Variants in ERGIC1 observed in about 807,000 individuals in gnomAD.
ERGIC1 encodes the protein endoplasmic reticulum-Golgi intermediate compartment protein 1.
In ERGIC1, 19 loss-of-function variants were observed where a neutral mutation model predicts 38.3. The ratio of observed to expected loss-of-function variants is 0.50; its 90% CI spans 0.35 to 0.73. The LOEUF is 0.73. Ranked by LOEUF, ERGIC1 falls within the 30% of genes least tolerant of loss-of-function variation. The probability of loss-of-function intolerance (pLI) is 0.01; values close to 1 mark genes in which losing one functional copy is unlikely to be tolerated. For missense variants in ERGIC1, 294 were observed against 389.2 expected (o/e 0.76, Z 2.06); for synonymous variants, 124 against 157.6 (o/e 0.79, Z 1.60).
intron 3 of ERGIC1, among the ~76,000 whole-genome samples, chr5:172,901,179 T>TGGCTCC (rs1160054953): frequency 4.6e-5 from 7 of 152,212 alleles, no homozygotes; most frequent in Middle Eastern, 3.2e-3. Context: ...TGGATCAACA[T>TGGCTCC]GGCTCCAGCC....
rs753860135 is a variant in ERGIC1, at chr5:172,926,546, G to T, written c.518G>T (p.Gly173Val). 1 of 1,613,064 alleles carries T rather than the reference G, an allele frequency of 6.2e-7. No homozygotes were observed. The highest frequency in any genetic ancestry group is 1.7e-5 in the Admixed American group (1 of 60,014). Residue 173 changes from glycine (G) to valine (V), a missense_variant, in exon 7 of 10, where the codon GGA (glycine) becomes GTA (valine). Gly to Val is a moderately radical substitution (Grantham distance 109). Transcript: ENST00000393784. The surrounding 1 kb of genome is among the most constrained non-coding windows in gnomAD (Gnocchi z 5.2). ...CACGGAGCTTTCAATGCTCTCGGGG[G>T]AGCAGACAGACTCACCTCCAACCGT... ...NIHGAFNALGGADRLTSNPLA... is the reference protein window; with the variant it reads ...NIHGAFNALGVADRLTSNPLA...
At chr5:172,906,057 T>G in intron 3 of ERGIC1, 1 of 456,146 alleles carries the variant, frequency 2.2e-6, no homozygotes, top group Non-Finnish European at 4.4e-6. Flanking sequence ...TTATTTGGCC[T>G]AGGAAATCCA....
chr5:172,835,589 C>T (rs1237976521), intron 1 of ERGIC1, among the ~76,000 whole-genome samples: 1 of 152,178 alleles, frequency 6.6e-6, no homozygotes, highest in Non-Finnish European at 1.5e-5. Flanking sequence ...ATGCCTGTGC[C>T]ACAGGAGGTA....
At chr5:172,866,299 C>T (rs977352462) in intron 1 of ERGIC1, among the ~76,000 whole-genome samples, 2 of 152,080 alleles carry the variant, frequency 1.3e-5, no homozygotes, top group African/African-American at 4.8e-5. Context: ...TGCTCACAGC[C>T]CTCAGCAGCC....
intron 3 of ERGIC1, among the ~76,000 whole-genome samples, chr5:172,907,452 G>A (rs760202559): frequency 3.3e-5 from 5 of 152,176 alleles, no homozygotes; most frequent in Non-Finnish European, 5.9e-5. Flanking sequence ...CAGCTACTTG[G>A]GAGGCTGAGG....
At chr5:172,835,076 G>A (rs1761001913) in intron 1 of ERGIC1, among the ~76,000 whole-genome samples, 2 of 152,356 alleles carry the variant, frequency 1.3e-5, no homozygotes, top group South Asian at 4.1e-4. Flanking sequence ...GCTTTCTGCA[G>A]TCACCACAAT....
rs576830180 is a variant in ERGIC1 at position 172,926,327 on chromosome 5, G to A, written c.481-182G>A. On this transcript the variant is annotated intron_variant, in intron 6 of 9. Coordinates refer to ENST00000393784, the MANE Select transcript of ERGIC1 (RefSeq NM_001031711.3). The surrounding 1 kb of genome is among the most constrained non-coding windows in gnomAD (Gnocchi z 5.2). ...AGTAGGGGCTAGAGATGGGAAACAA[G>A]CTTGTGCCTACTATGTGCCAGGCCC... Among the ~76,000 whole-genome samples the A allele has an allele frequency of 6.6e-6, 1 of 152,318 alleles. No individual in the cohort carries two copies. The highest frequency in any genetic ancestry group is 1.5e-5 in the Non-Finnish European group (1 of 68,030).
intron 1 of ERGIC1, among the ~76,000 whole-genome samples, chr5:172,842,533 C>T (rs753728263): frequency 5.9e-5 from 9 of 152,132 alleles, no homozygotes; most frequent in Non-Finnish European, 1.2e-4. Context: ...GATAAATACC[C>T]CAAAGTGGGA....
In ERGIC1 at chr5:172,893,939, A is replaced by ATATATATATATATATATATATATATG. The variant is rs1249616716; in HGVS notation, c.83-3048_83-3047insATATATATATGTATATATATATATAT. Among the ~76,000 whole-genome samples, 160 of 35,782 alleles carry ATATATATATATATATATATATATATG rather than the reference A, an allele frequency of 4.5e-3. 5 individuals are homozygous for ATATATATATATATATATATATATATG. The highest frequency in any genetic ancestry group is 8.8e-3 in the East Asian group (7 of 796). The allele number at this position is 35,782 out of a possible 152,430, so 23.5% of individuals were successfully genotyped here. A position where few individuals can be genotyped will look rare whatever the true frequency, so the allele number is the denominator to read the frequency against. On this transcript the variant is annotated intron_variant, in intron 2 of 9. Transcript: ENST00000393784. ...TGTGTGTGTGTGTGTGTGTGTGTATATATATATATATATATTTAAATGTCC... is the reference window on the plus strand; with the variant it reads ...TGTGTGTGTGTGTGTGTGTGTGTATATATATATATATATATATATATATATGTATATATATATATATTTAAATGTCC...
In ERGIC1 at chr5:172,834,336, G is replaced by T. The variant is rs953725337; in HGVS notation, c.-78G>T. Reference sequence around the variant, plus strand: ...GGCGGGGGCGGGGCGGCCGGAGGAGGCGTTGGCAGCGGGCTCGGACCCACG... The same window carrying T: ...GGCGGGGGCGGGGCGGCCGGAGGAGTCGTTGGCAGCGGGCTCGGACCCACG... On this transcript the variant is annotated 5_prime_UTR_variant, in exon 1 of 10. Transcript: ENST00000393784. This position sits in a 1 kb window ranked among gnomAD's most constrained non-coding sequence, Gnocchi z 4.1. 9.3e-5 allele frequency: 111 copies of T among 1,191,438 alleles called. No individual in the cohort carries two copies. Among genetic ancestry groups the T allele is most frequent in the Non-Finnish European group, 1.1e-4 (101 of 961,282 alleles). 73.8% of individuals were successfully genotyped at this position (1,191,438 alleles called of 1,614,324 possible). A position where few individuals can be genotyped will look rare whatever the true frequency, so the allele number is the denominator to read the frequency against.
In ERGIC1 at chr5:172,897,025, A is replaced by C. The variant is rs770949146; in HGVS notation, c.106A>C (p.Ile36Leu). ...AGTCTCCATCTGCTGCTGCCTCTTC[A>C]TCCTCTTCCTCTTCCTCTCGGAGCT... ...AIISICCCLF[I>L]LFLFLSELTG... Residue 36 changes from isoleucine (I) to leucine (L), a missense_variant, in exon 3 of 10, where the codon ATC becomes CTC. Ile to Leu is a conservative substitution (Grantham distance 5). This residue lies in a region of ERGIC1 where 163 missense variants were observed against 225.8 expected (regional missense o/e 0.72). Transcript: ENST00000393784. The C allele has an allele frequency of 6.2e-7, 1 of 1,613,944 alleles. No homozygotes were observed. Among genetic ancestry groups the C allele is most frequent in the Non-Finnish European group, 8.5e-7 (1 of 1,179,964 alleles).
At chr5:172,845,057 C>G (rs1218418556) in intron 1 of ERGIC1, among the ~76,000 whole-genome samples, 5 of 151,614 alleles carry the variant, frequency 3.3e-5, no homozygotes, top group Non-Finnish European at 5.9e-5. Flanking sequence ...GGGGACAGGA[C>G]TTGGCCGAGG....
chr5:172,947,234 G>A (rs1764143140), intron 9 of ERGIC1, among the ~76,000 whole-genome samples: 1 of 151,732 alleles, frequency 6.6e-6, no homozygotes, highest in African/African-American at 2.4e-5. Flanking sequence ...ACCTAGGCTG[G>A]AGTGCAGTGG....
At chr5:172,900,279 C>T (rs1198893230) in intron 3 of ERGIC1, among the ~76,000 whole-genome samples, 1 of 152,192 alleles carries the variant, frequency 6.6e-6, no homozygotes, top group Middle Eastern at 3.2e-3. Flanking sequence ...AGGGCTGCTT[C>T]TTTCTGAAGA....
intron 9 of ERGIC1, among the ~76,000 whole-genome samples, chr5:172,947,269 T>A (rs1764144112): frequency 6.6e-6 from 1 of 151,908 alleles, no homozygotes; most frequent in Non-Finnish European, 1.5e-5. Flanking sequence ...ACTGCAGGCT[T>A]GACCTCCTGG....
At position 172,926,163 on chromosome 5, in the gene ERGIC1, T is replaced by G. The variant is rs767418330; in HGVS notation, c.481-346T>G. ...GTCAGACAGACCTGATTTCAGAGTTTAGCTTAGCCACTTACCAGCCGGGCA... is the reference window on the plus strand; with the variant it reads ...GTCAGACAGACCTGATTTCAGAGTTGAGCTTAGCCACTTACCAGCCGGGCA... On this transcript the variant is annotated intron_variant, in intron 6 of 9. Transcript: ENST00000393784. The surrounding 1 kb of genome is among the most constrained non-coding windows in gnomAD (Gnocchi z 5.2). Among the ~76,000 whole-genome samples, 1 of 152,226 alleles carries G rather than the reference T, an allele frequency of 6.6e-6. No homozygotes were observed. Among genetic ancestry groups the G allele is most frequent in the Non-Finnish European group, 1.5e-5 (1 of 68,030 alleles).
At chr5:172,877,456 ATATTT>A (rs1304121443) in intron 1 of ERGIC1, among the ~76,000 whole-genome samples, 2 of 79,768 alleles carry the variant, frequency 2.5e-5, no homozygotes, top group African/African-American at 8.3e-5. Context: ...ATATATATAT[ATATTT>A]TTTTTTTTTT....
At chr5:172,942,977 C>T (rs1200913883) in intron 9 of ERGIC1, among the ~76,000 whole-genome samples, 3 of 152,134 alleles carry the variant, frequency 2.0e-5, no homozygotes, top group Admixed American at 6.6e-5. Context: ...AAGAGTCTTC[C>T]GGCTGGGAAT....
At chr5:172,950,256 C>T (rs1159315004) in intron 9 of ERGIC1, among the ~76,000 whole-genome samples, 2 of 152,158 alleles carry the variant, frequency 1.3e-5, no homozygotes, top group Non-Finnish European at 2.9e-5. Context: ...CTTTCAGAAC[C>T]TCCATTTCCT....
Sources: gnomAD v4.1 joint callset for allele counts (sites outside exome capture counted in the v4.1 genomes callset) on GRCh38, gnomAD v4.1.1 for gene constraint, gnomAD v4.1.1 regional missense constraint, Gnocchi (gnomAD v3.1) non-coding constraint, MANE v1.5 for transcripts, NCBI Gene and HGNC (gene_info 2026-07-23, HGNC 2026-07-21) for gene names.